The following BCAS3 variants were observed in gnomAD, a reference collection of about 807,000 sequenced individuals.
BCAS3 encodes the protein BCAS3 microtubule associated cell migration factor.
A neutral mutation model predicts 116.1 loss-of-function variants in BCAS3; 53 were observed. The observed-to-expected ratio is 0.46, with a 90% confidence interval of 0.37 to 0.57. The LOEUF is 0.57. Among genes scored for constraint, BCAS3 ranks in the 20% least tolerant of loss-of-function variants. The probability of loss-of-function intolerance (pLI) is 0.00; values close to 1 mark genes in which losing one functional copy is unlikely to be tolerated. For synonymous variants in BCAS3, 391 were observed against 408.2 expected, an observed-to-expected ratio of 0.96 and a Z score of 0.51; for missense variants, 917 against 1,165.4, an observed-to-expected ratio of 0.79 and a Z score of 3.10.
rs1396838536 is a variant in BCAS3, at chr17:61,029,128, A to G, written c.1638-5538A>G. Among the ~76,000 whole-genome samples the G allele has an allele frequency of 2.0e-5, 3 of 151,940 alleles. No individual in the cohort carries two copies. The highest frequency in any genetic ancestry group is 2.9e-5 in the Non-Finnish European group (2 of 67,862). ...TATCCAGTTATAGGGTAATATATGT[A>G]TTTTGGATGAAAAATGAAATTTTTA... is the stretch of plus-strand genomic sequence containing the variant. On this transcript the variant is annotated intron_variant, in intron 16 of 23. Transcript: ENST00000407086. This position sits in a 1 kb window ranked among gnomAD's most constrained non-coding sequence, Gnocchi z 5.2.
chr17:60,785,451 G>A (rs571240679), intron 6 of BCAS3, among the ~76,000 whole-genome samples: 4 of 152,250 alleles, frequency 2.6e-5, no homozygotes, highest in Middle Eastern at 3.4e-3. Flanking sequence ...GAGCCACTGC[G>A]CCCAGCCAGT....
At chr17:60,984,597 A>T (rs546609303) in intron 14 of BCAS3, among the ~76,000 whole-genome samples, 12 of 152,232 alleles carry the variant, frequency 7.9e-5, no homozygotes, top group Admixed American at 2.6e-4. Flanking sequence ...TGGGGTATCC[A>T]TCACCTCAAG....
intron 10 of BCAS3, among the ~76,000 whole-genome samples, chr17:60,900,855 A>C (rs1204392560): frequency 6.6e-6 from 1 of 152,038 alleles, no homozygotes; most frequent in East Asian, 1.9e-4. Context: ...ATTTAGACCA[A>C]AATTTCTGAC....
At position 61,356,291 on chromosome 17, in the gene BCAS3, G is replaced by A. The variant is rs1048065058; in HGVS notation, c.2426-12036G>A. Among the ~76,000 whole-genome samples the A allele has an allele frequency of 6.6e-6, 1 of 152,232 alleles. No individual in the cohort carries two copies. The highest frequency in any genetic ancestry group is 2.4e-5 in the African/African-American group (1 of 41,456). The stretch of plus-strand genomic sequence containing the variant: ...TTACAGGCGTGAGCCACCGCACCTG[G>A]CCAGGAAACATTGTCATTGCAGCCC... On this transcript the variant is annotated intron_variant, in intron 22 of 23. Coordinates refer to ENST00000407086, the MANE Select transcript of BCAS3 (RefSeq NM_017679.5). The surrounding 1 kb of genome is among the most constrained non-coding windows in gnomAD (Gnocchi z 5.4).
chr17:61,201,615 C>G (rs1280968307), intron 22 of BCAS3, among the ~76,000 whole-genome samples: 1 of 152,120 alleles, frequency 6.6e-6, no homozygotes, highest in African/African-American at 2.4e-5. Context: ...CGAGTTTGCT[C>G]AGGTTGTGGT....
chr17:61,221,025 G>T (rs1460453541), intron 22 of BCAS3, among the ~76,000 whole-genome samples: 1 of 152,128 alleles, frequency 6.6e-6, no homozygotes, highest in Non-Finnish European at 1.5e-5. Context: ...GCATGAACCC[G>T]GGAGGCAGAG....
rs2049047558 is a variant in BCAS3, at chr17:61,259,772, A to G, written c.2426-108555A>G. ...TCTCCCTGGACATCAGACACTTGCT[A>G]TCATTTCTGTTCTCTTGTTGGCTGA... On this transcript the variant is annotated intron_variant, in intron 22 of 23. Transcript: ENST00000407086. The surrounding 1 kb of genome is among the most constrained non-coding windows in gnomAD (Gnocchi z 4.7). Among the ~76,000 whole-genome samples, 1 of 152,136 alleles carries G rather than the reference A, an allele frequency of 6.6e-6. No individual in the cohort carries two copies. The highest frequency in any genetic ancestry group is 2.1e-4 in the South Asian group (1 of 4,832).
At chr17:61,045,943 T>TATTTA (rs1555685204) in intron 19 of BCAS3, among the ~76,000 whole-genome samples, 1 of 16,632 alleles carries the variant, frequency 6.0e-5, no homozygotes, top group African/African-American at 7.0e-4. Context: ...AATATATATA[T>TATTTA]TATATATATA....
At chr17:60,759,237 T>C (rs140272975) in intron 6 of BCAS3, among the ~76,000 whole-genome samples, 34 of 152,362 alleles carry the variant, frequency 2.2e-4, no homozygotes, top group African/African-American at 7.0e-4. Context: ...AATGGCCTTA[T>C]ATAGTCTGTC....
chr17:60,691,782 G>A (rs543230702), intron 4 of BCAS3, among the ~76,000 whole-genome samples: 10 of 150,668 alleles, frequency 6.6e-5, no homozygotes, highest in Non-Finnish European at 1.3e-4. Context: ...TTACAGATTG[G>A]TTTCATTTGA....
At chr17:60,926,138 A>T (rs2145165900) in intron 13 of BCAS3, among the ~76,000 whole-genome samples, 1 of 152,322 alleles carries the variant, frequency 6.6e-6, no homozygotes, top group Admixed American at 6.5e-5. Flanking sequence ...TAAGAAGAAC[A>T]TAAATTTCTG....
intron 22 of BCAS3, among the ~76,000 whole-genome samples, chr17:61,289,658 C>A (rs868063355): frequency 2.0e-4 from 30 of 152,128 alleles, no homozygotes; most frequent in African/African-American, 6.5e-4. Context: ...CACAGGGTTG[C>A]ACTGCTTAAT....
At chr17:60,775,933 G>T (rs553761867) in intron 6 of BCAS3, among the ~76,000 whole-genome samples, 1 of 152,280 alleles carries the variant, frequency 6.6e-6, no homozygotes, top group East Asian at 1.9e-4. Flanking sequence ...ATTATGAATG[G>T]TCTAATTCTT....
At chr17:60,821,174 T>A (rs542386175) in intron 7 of BCAS3, among the ~76,000 whole-genome samples, 1 of 152,138 alleles carries the variant, frequency 6.6e-6, no homozygotes, top group Non-Finnish European at 1.5e-5. Flanking sequence ...CTTGAACTCC[T>A]GACCTCAGGT....
At chr17:60,847,298 G>A (rs942719036) in intron 7 of BCAS3, among the ~76,000 whole-genome samples, 2 of 152,196 alleles carry the variant, frequency 1.3e-5, no homozygotes, top group Admixed American at 1.3e-4. Context: ...GAACATTCAT[G>A]TAGACGTTTT....
intron 12 of BCAS3, among the ~76,000 whole-genome samples, chr17:60,923,349 G>T (rs565753644): frequency 6.6e-6 from 1 of 152,232 alleles, no homozygotes; most frequent in East Asian, 1.9e-4. Context: ...TCTTTGTAAA[G>T]CTTTCACTCA....
chr17:60,939,799 T>C (rs1372020718), intron 13 of BCAS3, among the ~76,000 whole-genome samples: 2 of 152,206 alleles, frequency 1.3e-5, no homozygotes, highest in African/African-American at 4.8e-5. Flanking sequence ...GAATCTATTG[T>C]ATATAAATTA....
intron 14 of BCAS3, among the ~76,000 whole-genome samples, chr17:60,963,474 T>C (rs2061503698): frequency 6.6e-6 from 1 of 152,072 alleles, no homozygotes; most frequent in Non-Finnish European, 1.5e-5. Flanking sequence ...GAATTTTATA[T>C]TTTTGTAGCT....
At chr17:60,859,726 G>A (rs1047057767) in intron 7 of BCAS3, among the ~76,000 whole-genome samples, 5 of 151,764 alleles carry the variant, frequency 3.3e-5, no homozygotes, top group Admixed American at 1.3e-4. Flanking sequence ...GCACGACCAC[G>A]CCCAGCTAAT....
Sources: allele counts gnomAD v4.1 joint callset (sites outside exome capture counted in the v4.1 genomes callset), GRCh38; gene constraint gnomAD v4.1.1; non-coding constraint Gnocchi (gnomAD v3.1); transcripts MANE v1.5; gene names NCBI Gene and HGNC (gene_info 2026-07-23, HGNC 2026-07-21).